RUNX3: variants seen among roughly 807,000 people sequenced by gnomAD.
The protein encoded by RUNX3 is RUNX family transcription factor 3, also known as runt-related transcription factor 3.
RUNX3 carries 10 observed loss-of-function variants against 27.7 expected under a neutral mutation model. That is an observed-to-expected ratio of 0.36 (90% CI 0.22 to 0.61). The LOEUF (loss-of-function observed/expected upper bound fraction) is 0.61. Among genes scored for constraint, RUNX3 ranks in the 20% least tolerant of loss-of-function variants. RUNX3 has a pLI of 0.72. For synonymous variants in RUNX3, 270 were observed against 269.2 expected, an observed-to-expected ratio of 1.00 and a Z score of -0.03; for missense variants, 469 against 629.5, an observed-to-expected ratio of 0.75 and a Z score of 2.73.
In RUNX3 at chr1:24,916,205, G is replaced by A. The variant is rs1640885858; in HGVS notation, c.544+3035C>T. Among the ~76,000 whole-genome samples, 1 of 152,238 alleles carries A rather than the reference G, an allele frequency of 6.6e-6. No homozygotes were observed. Among genetic ancestry groups the A allele is most frequent in the Admixed American group, 6.5e-5 (1 of 15,290 alleles). ...GCAAAACAGGAAAAAAGCCGGGAAAGGAAGTCCAGGAGCACAAAAGGCCTG... is the reference window on the plus strand; with the variant it reads ...GCAAAACAGGAAAAAAGCCGGGAAAAGAAGTCCAGGAGCACAAAAGGCCTG... On this transcript the variant is annotated intron_variant, in intron 3 of 4. Transcript: ENST00000308873. This position sits in a 1 kb window ranked among gnomAD's most constrained non-coding sequence, Gnocchi z 4.8.
At chr1:24,930,385 C>T (rs530892627), upstream of RUNX3, 51 of 278,320 alleles carry the variant, frequency 1.8e-4, no homozygotes, top group African/African-American at 7.5e-4. This position sits in a 1 kb window ranked among gnomAD's most constrained non-coding sequence, Gnocchi z 4.1. Flanking sequence ...GCGGGCACCT[C>T]GGTGGCGTTC....
chr1:24,941,433 T>G (rs1320656724), intron 2 of RUNX3, among the ~76,000 whole-genome samples: 1 of 152,212 alleles, frequency 6.6e-6, no homozygotes, highest in Admixed American at 6.5e-5. Context: ...ACACATGCTG[T>G]TGAATCCCCG....
Position 24,923,030 on chromosome 1 carries a change from A to C in RUNX3, c.440-3686T>G, listed in dbSNP as rs1641030631. On this transcript the variant is annotated intron_variant, in intron 2 of 4. Coordinates refer to ENST00000308873, the MANE Select transcript of RUNX3 (RefSeq NM_004350.3). The surrounding 1 kb of genome is among the most constrained non-coding windows in gnomAD (Gnocchi z 5.9). Reference sequence around the variant, plus strand: ...GCATCCGGCACAGAGTAGGTGCTCAACAACATTTGTTAAATAAATTAAGGG... The same window carrying C: ...GCATCCGGCACAGAGTAGGTGCTCACCAACATTTGTTAAATAAATTAAGGG... 6.6e-6 allele frequency among the ~76,000 whole-genome samples: 1 copy of C among 152,164 alleles called. No homozygotes were observed. Among genetic ancestry groups the C allele is most frequent in the Non-Finnish European group, 1.5e-5 (1 of 68,046 alleles).
chr1:24,954,688 G>T (rs1307636152), intron 2 of RUNX3, among the ~76,000 whole-genome samples: 1 of 152,218 alleles, frequency 6.6e-6, no homozygotes, highest in Non-Finnish European at 1.5e-5. Flanking sequence ...CCTTGTCCTT[G>T]TCCAACCACG....
Position 24,901,012 on chromosome 1 carries a change from GTTTTGTTTTTTTTTTGTTT to G in RUNX3, c.*1091_*1109del, listed in dbSNP as rs1270912752. The G allele has an allele frequency of 2.9e-5, 4 of 138,024 alleles. No homozygotes were observed. The highest frequency in any genetic ancestry group is 2.3e-4 in the South Asian group (1 of 4,290). The allele number at this position is 138,024 out of a possible 1,614,324, so 8.5% of individuals were successfully genotyped here. A position where few individuals can be genotyped will look rare whatever the true frequency, so the allele number is the denominator to read the frequency against. ...TTTTCTAAAATCAGTTTTAAAAACT[GTTTTGTTTTTTTTTTGTTT>G]TTTTGTTTTTTTTTTTTTTTTGCTC... On this transcript the variant is annotated 3_prime_UTR_variant, in exon 5 of 5. Transcript: ENST00000308873.
At position 24,943,811 on chromosome 1, in the gene RUNX3, C is replaced by T. The variant is rs1035274533; in HGVS notation, c.59-13959G>A. Among the ~76,000 whole-genome samples the T allele has an allele frequency of 2.0e-5, 3 of 152,214 alleles. No homozygotes were observed. Among genetic ancestry groups the T allele is most frequent in the African/African-American group, 7.2e-5 (3 of 41,446 alleles). The stretch of plus-strand genomic sequence containing the variant: ...GACCTAGGCTCCCAGATGTTACCAA[C>T]CTTAACTGACAGTTTTCTGCTAGCA... On this transcript the variant is annotated intron_variant, in intron 2 of 6. Transcript: ENST00000338888. The surrounding 1 kb of genome is among the most constrained non-coding windows in gnomAD (Gnocchi z 4.6).
intron 2 of RUNX3, among the ~76,000 whole-genome samples, chr1:24,947,258 A>G (rs978254174): frequency 3.3e-5 from 5 of 152,128 alleles, no homozygotes; most frequent in Admixed American, 6.5e-5. Context: ...CTGCTACCCA[A>G]TGGGGCAAAG....
chr1:24,963,009 GAAC>G (rs1178783376), intron 2 of RUNX3: 1 of 152,226 alleles, frequency 6.6e-6, no homozygotes, highest in Non-Finnish European at 1.5e-5. Flanking sequence ...ACTACAAAGG[GAAC>G]AACGTTATAA....
Position 24,943,433 on chromosome 1 carries a change from C to G in RUNX3, c.59-13581G>C, listed in dbSNP as rs997309025. Reference sequence around the variant, plus strand: ...GGTGCCAGGCACGGTTCTGAGAACTCACACAGCTTAACTCTTCATCCTTGC... The same window carrying G: ...GGTGCCAGGCACGGTTCTGAGAACTGACACAGCTTAACTCTTCATCCTTGC... On this transcript the variant is annotated intron_variant, in intron 2 of 6. Coordinates refer to the RUNX3 transcript ENST00000338888. The surrounding 1 kb of genome is among the most constrained non-coding windows in gnomAD (Gnocchi z 4.6). Among the ~76,000 whole-genome samples the G allele has an allele frequency of 1.3e-5, 2 of 152,194 alleles. No homozygotes were observed. The highest frequency in any genetic ancestry group is 6.5e-5 in the Admixed American group (1 of 15,280).
intron 2 of RUNX3, among the ~76,000 whole-genome samples, chr1:24,957,595 G>A (rs1411323347): frequency 6.6e-6 from 1 of 152,206 alleles, no homozygotes; most frequent in East Asian, 1.9e-4. Context: ...GAGAAGACAG[G>A]CCAGGGTTTC....
At chr1:24,952,407 C>A (rs934683257) in intron 2 of RUNX3, among the ~76,000 whole-genome samples, 1 of 152,226 alleles carries the variant, frequency 6.6e-6, no homozygotes, top group Admixed American at 6.5e-5. Flanking sequence ...TAGCCATTAG[C>A]ATATCAAAGA....
At position 24,902,491 on chromosome 1, in the gene RUNX3, G is replaced by A. The variant is rs751887340; in HGVS notation, c.879C>T (p.Ser293=). The change falls in exon 5 of 5, where the codon AGC becomes AGT. Residue 293 remains serine (S), a synonymous_variant. Coordinates refer to ENST00000308873, the MANE Select transcript of RUNX3 (RefSeq NM_004350.3). The surrounding 1 kb of genome is among the most constrained non-coding windows in gnomAD (Gnocchi z 9.2). ...TPSGTSISSL[S]VAGMPATSRF... ...GGCTGGTGGCCGGCATGCCCGCCAC[G>A]CTGAGGCTGCTGATGCTCGTGCCCG... 9 of 1,599,874 alleles carry A rather than the reference G, an allele frequency of 5.6e-6. No individual in the cohort carries two copies. The East Asian group carries it at 6.7e-5, about 12-fold the overall frequency.
At position 24,930,272 on chromosome 1, in the gene RUNX3, G is replaced by C; in HGVS notation, c.-404C>G. The C allele has an allele frequency of 3.1e-6, 3 of 982,692 alleles. No individual in the cohort carries two copies. The highest frequency in any genetic ancestry group is 3.6e-6 in the Non-Finnish European group (3 of 828,018). 60.9% of individuals were successfully genotyped at this position (982,692 alleles called of 1,614,324 possible). On this transcript the variant is annotated 5_prime_UTR_variant, in exon 1 of 5. Transcript: ENST00000308873. The surrounding 1 kb of genome is among the most constrained non-coding windows in gnomAD (Gnocchi z 4.1). ...CCCAGAACAAATCCTCCAGAATCAA[G>C]TGGCGGGGCCGCGGCCGCCCGCGCG... is the stretch of plus-strand genomic sequence containing the variant.
chr1:24,931,971 C>G (rs930663354), upstream of RUNX3, among the ~76,000 whole-genome samples: 3 of 152,250 alleles, frequency 2.0e-5, no homozygotes, highest in Non-Finnish European at 4.4e-5. Flanking sequence ...GTGATCCAGC[C>G]TGGGCGCTCC....
chr1:24,951,212 A>AT, intron 2 of RUNX3, among the ~76,000 whole-genome samples: 1 of 150,910 alleles, frequency 6.6e-6, no homozygotes, highest in South Asian at 2.1e-4. Context: ...CTCAAAAAAA[A>AT]AAAAAAAAAA....
Position 24,904,089 on chromosome 1 carries a change from CAGCCGGGGGAGGTGGATG to C in RUNX3, c.704-1441_704-1424del, listed in dbSNP as rs1640616389. On this transcript the variant is annotated intron_variant, in intron 4 of 4. Transcript: ENST00000308873. This position sits in a 1 kb window ranked among gnomAD's most constrained non-coding sequence, Gnocchi z 5.7. ...GTGCAGGGCCTCCCTTCTACTCTGG[CAGCCGGGGGAGGTGGATG>C]AGCCCCCAGCAGTGGTCCAGAGGTG... Among the ~76,000 whole-genome samples the C allele has an allele frequency of 6.6e-6, 1 of 152,178 alleles. No homozygotes were observed. The highest frequency in any genetic ancestry group is 2.4e-5 in the African/African-American group (1 of 41,438).
chr1:24,916,666 G>T lies in RUNX3; in HGVS notation c.544+2574C>A, dbSNP rs564799166. Reference sequence around the variant, plus strand: ...GGCTGCAACCCAGGGTATGGGGGGGGACCTGATCTCAGGGCCAGGATATGC... The same window carrying T: ...GGCTGCAACCCAGGGTATGGGGGGGTACCTGATCTCAGGGCCAGGATATGC... On this transcript the variant is annotated intron_variant, in intron 3 of 4. Transcript: ENST00000308873. This position sits in a 1 kb window ranked among gnomAD's most constrained non-coding sequence, Gnocchi z 4.8. 1.3e-5 allele frequency among the ~76,000 whole-genome samples: 2 copies of T among 152,250 alleles called. No individual in the cohort carries two copies. Among genetic ancestry groups the T allele is most frequent in the South Asian group, 2.1e-4 (1 of 4,818 alleles).
At chr1:24,908,794 C>T (rs1640741000) in intron 3 of RUNX3, among the ~76,000 whole-genome samples, 1 of 152,248 alleles carries the variant, frequency 6.6e-6, no homozygotes, top group Admixed American at 6.5e-5. Flanking sequence ...CACTGTCTCC[C>T]ATGTCTACAA....
At chr1:24,920,779 G>A (rs1053564101) in intron 2 of RUNX3, among the ~76,000 whole-genome samples, 25 of 152,064 alleles carry the variant, frequency 1.6e-4, no homozygotes, top group African/African-American at 1.7e-4. Flanking sequence ...GGGTTTCTCC[G>A]TGTAGAAAGC....
Sources: gnomAD v4.1 joint callset for allele counts (sites outside exome capture counted in the v4.1 genomes callset) on GRCh38, gnomAD v4.1.1 for gene constraint, Gnocchi (gnomAD v3.1) non-coding constraint, MANE v1.5 for transcripts, NCBI Gene and HGNC (gene_info 2026-07-23, HGNC 2026-07-21) for gene names.